Variants in CEP57L1 observed in about 807,000 individuals in gnomAD.
The protein encoded by CEP57L1 is centrosomal protein CEP57L1.
In CEP57L1, 37 loss-of-function variants were observed where a neutral mutation model predicts 61.0. The observed-to-expected ratio is 0.61, with a 90% CI of 0.47 to 0.80. CEP57L1 has a LOEUF of 0.80. CEP57L1 is among the 30% of genes least tolerant of loss of function. The pLI, the probability that CEP57L1 is intolerant of heterozygous loss-of-function variation, is 0.00. For synonymous variants in CEP57L1, 137 were observed against 162.3 expected, an observed-to-expected ratio of 0.84 and a Z score of 1.19; for missense variants, 422 against 524.7, an observed-to-expected ratio of 0.80 and a Z score of 1.91.
At chr6:109,104,470 T>A (rs1323587117) in intron 1 of CEP57L1, among the ~76,000 whole-genome samples, 2 of 152,266 alleles carry the variant, frequency 1.3e-5, no homozygotes, top group African/African-American at 4.8e-5. Flanking sequence ...TTTCAAGTTA[T>A]GTTTTGTTTT....
chr6:109,099,788 T>C (rs952952138), intron 1 of CEP57L1, among the ~76,000 whole-genome samples: 1 of 152,288 alleles, frequency 6.6e-6, no homozygotes. Flanking sequence ...GACCTCGTGA[T>C]CCACCCGCCT....
chr6:109,095,182 A>G, upstream of CEP57L1: 1 of 985,538 alleles, frequency 1.0e-6, no homozygotes, highest in Non-Finnish European at 1.2e-6. Flanking sequence ...CGGAGGCGCT[A>G]AGCTTGCGCC....
chr6:109,132,892 T>C (rs531629594), intron 1 of CEP57L1, among the ~76,000 whole-genome samples: 2 of 152,344 alleles, frequency 1.3e-5, no homozygotes, highest in South Asian at 4.1e-4. Context: ...AAGCCACTTA[T>C]GTTTCCTCAT....
At chr6:109,116,132 A>G (rs199881000) in intron 1 of CEP57L1, among the ~76,000 whole-genome samples, 4,069 of 40,200 alleles carry the variant, frequency 0.1, 68 homozygotes, top group Middle Eastern at 0.24. Context: ...GTGTTGTGTT[A>G]TGTTATGTTA....
At chr6:109,124,487 A>G (rs1417296450) in intron 1 of CEP57L1, among the ~76,000 whole-genome samples, 1 of 152,206 alleles carries the variant, frequency 6.6e-6, no homozygotes, top group African/African-American at 2.4e-5. Flanking sequence ...TGACTTTGCC[A>G]CTTAACTAGG....
chr6:109,128,472 G>T (rs916524319), intron 1 of CEP57L1, among the ~76,000 whole-genome samples: 14 of 151,910 alleles, frequency 9.2e-5, no homozygotes, highest in African/African-American at 3.1e-4. Context: ...AATTATTTTG[G>T]TAACCTCTTA....
At position 109,159,335 on chromosome 6, in the gene CEP57L1, C is replaced by G. The variant is rs780793624; in HGVS notation, c.889C>G (p.Pro297Ala). Residue 297 changes from proline to alanine, a missense_variant, in exon 9 of 11, where the codon CCC becomes GCC. Pro to Ala is a conservative substitution (Grantham distance 27). Coordinates refer to ENST00000517392, the MANE Select transcript of CEP57L1 (RefSeq NM_001271852.3). ...TAACGTGACTGAGACTAGATGTCTC[C>G]CCAAGCCTTCTAGAACAACTTCCTG... ...PFNVTETRCLPKPSRTTSWCK... is the reference protein window; with the variant it reads ...PFNVTETRCLAKPSRTTSWCK... 6.2e-7 allele frequency: 1 copy of G among 1,614,004 alleles called. No individual in the cohort carries two copies. Among genetic ancestry groups the G allele is most frequent in the South Asian group, 1.1e-5 (1 of 91,080 alleles).
intron 1 of CEP57L1, among the ~76,000 whole-genome samples, chr6:109,126,404 G>A (rs527872948): frequency 5.3e-5 from 8 of 152,128 alleles, no homozygotes; most frequent in Non-Finnish European, 8.8e-5. Flanking sequence ...TGTGGACAAT[G>A]TTTTAGAAGG....
chr6:109,135,534 C>T (rs1774766331), intron 1 of CEP57L1, among the ~76,000 whole-genome samples: 1 of 152,170 alleles, frequency 6.6e-6, no homozygotes. Context: ...ACACCAAAAA[C>T]AATGGCAACA....
rs2114976647 is a variant in CEP57L1, at chr6:109,164,506, T to C, written c.*1536T>C. 6.6e-6 allele frequency among the ~76,000 whole-genome samples: 1 copy of C among 152,244 alleles called. No homozygotes were observed. Among genetic ancestry groups the C allele is most frequent in the Non-Finnish European group, 1.5e-5 (1 of 68,016 alleles). The stretch of plus-strand genomic sequence containing the variant: ...ACTCCCACTCATTCACACCCTTAGC[T>C]CCTCAGCCCTGGAGATGTTCCATAG... On this transcript the variant is annotated 3_prime_UTR_variant, in exon 11 of 11. Coordinates refer to ENST00000517392, the MANE Select transcript of CEP57L1 (RefSeq NM_001271852.3).
chr6:109,116,562 A>G (rs544883042), intron 1 of CEP57L1, among the ~76,000 whole-genome samples: 1 of 152,304 alleles, frequency 6.6e-6, no homozygotes, highest in South Asian at 2.1e-4. Flanking sequence ...GTACAGTTTC[A>G]ATCTTTTTCT....
intron 1 of CEP57L1, among the ~76,000 whole-genome samples, chr6:109,103,377 G>A (rs1434377598): frequency 6.6e-6 from 1 of 152,084 alleles, no homozygotes; most frequent in Non-Finnish European, 1.5e-5. Context: ...AATCATAAAG[G>A]CTCTTAATTT....
intron 1 of CEP57L1, among the ~76,000 whole-genome samples, chr6:109,115,715 G>A (rs755942917): frequency 6.6e-6 from 1 of 152,114 alleles, no homozygotes; most frequent in African/African-American, 2.4e-5. Context: ...ACCTGGGTTT[G>A]AATTCTGGCT....
intron 1 of CEP57L1, among the ~76,000 whole-genome samples, chr6:109,126,547 T>G (rs1203867719): frequency 6.6e-6 from 1 of 152,108 alleles, no homozygotes; most frequent in Non-Finnish European, 1.5e-5. Flanking sequence ...CTCATTTACT[T>G]TATGTTAAAT....
intron 1 of CEP57L1, among the ~76,000 whole-genome samples, chr6:109,103,869 C>T (rs947239914): frequency 4.6e-5 from 7 of 152,022 alleles, no homozygotes; most frequent in Admixed American, 3.3e-4. Flanking sequence ...TCCTTATCCA[C>T]ATTTTACATG....
intron 3 of CEP57L1, 137 bp from the exon 4 acceptor site, chr6:109,149,981 C>G: frequency 2.4e-6 from 1 of 413,964 alleles, no homozygotes. Flanking sequence ...TATCCTGAGA[C>G]TTTGCTGAAG....
chr6:109,140,310 A>G (rs1771209864), intron 1 of CEP57L1: 1 of 151,738 alleles, frequency 6.6e-6, no homozygotes, highest in South Asian at 2.1e-4. Flanking sequence ...TTTACATATT[A>G]ACATTAACCC....
intron 1 of CEP57L1, among the ~76,000 whole-genome samples, chr6:109,110,752 A>T (rs2114626350): frequency 6.6e-6 from 1 of 152,358 alleles, no homozygotes; most frequent in East Asian, 1.9e-4. Context: ...ATGACTAGCC[A>T]GTTTTCCCAG....
At chr6:109,100,329 T>C (rs766967151) in intron 1 of CEP57L1, 1 of 152,000 alleles carries the variant, frequency 6.6e-6, no homozygotes, top group Non-Finnish European at 1.5e-5. Context: ...ACAAAGTAAT[T>C]AATGGATGGA....
Sources: allele counts gnomAD v4.1 joint callset (sites outside exome capture counted in the v4.1 genomes callset), GRCh38; gene constraint gnomAD v4.1.1; transcripts MANE v1.5; gene names NCBI Gene and HGNC (gene_info 2026-07-23, HGNC 2026-07-21).